The following CAPN3 variants were observed in gnomAD, a reference collection of about 807,000 sequenced individuals.
CAPN3 encodes the protein calpain 3.
Under a neutral mutation model 114.0 loss-of-function variants are expected in CAPN3, and 88 were observed. That is an observed-to-expected ratio of 0.77 (90% CI 0.65 to 0.92). The LOEUF (loss-of-function observed/expected upper bound fraction) is 0.92, where lower values mean the gene tolerates loss of function less well. Ranked by LOEUF, CAPN3 falls within the 40% of genes least tolerant of loss-of-function variation. CAPN3 has a pLI of 0.00. For synonymous variants in CAPN3, 386 were observed against 382.9 expected, an observed-to-expected ratio of 1.01 and a Z score of -0.09; for missense variants, 1,028 against 1,069.0, an observed-to-expected ratio of 0.96 and a Z score of 0.53.
Position 42,369,514 on chromosome 15 carries a change from A to C in CAPN3, c.309+9400A>C, listed in dbSNP as rs114702518. Among the ~76,000 whole-genome samples the C allele has an allele frequency of 8.1e-3, 1,227 of 152,266 alleles. 14 individuals carry two copies. The highest frequency in any genetic ancestry group is 0.028 in the African/African-American group (1,173 of 41,548). ...AAGACCATCTCAAAAAGAAGAAAAAAAAAAGAATGTGATCAGTATGAAGTA... is the reference window on the plus strand; with the variant it reads ...AAGACCATCTCAAAAAGAAGAAAAACAAAAGAATGTGATCAGTATGAAGTA... On this transcript the variant is annotated intron_variant, in intron 1 of 23. Transcript: ENST00000397163.
chr15:42,364,787 G>A (rs1004821796), intron 1 of CAPN3, among the ~76,000 whole-genome samples: 1 of 152,226 alleles, frequency 6.6e-6, no homozygotes, highest in South Asian at 2.1e-4. Context: ...TGCTGAGCAA[G>A]GGCTTCGTTT....
Position 42,392,482 on chromosome 15 carries a change from C to G in CAPN3, c.946-157C>G, listed in dbSNP as rs12324205. On this transcript the variant is annotated intron_variant, in intron 6 of 23. Coordinates refer to ENST00000397163, the MANE Select transcript of CAPN3 (RefSeq NM_000070.3). Reference sequence around the variant, plus strand: ...GTCTCTTGGCACTCTTAAAGGGCCACTGAAGGTCCGTTCGTGGTCGTGAGG... The same window carrying G: ...GTCTCTTGGCACTCTTAAAGGGCCAGTGAAGGTCCGTTCGTGGTCGTGAGG... 0.14 allele frequency among the ~76,000 whole-genome samples: 20,787 copies of G among 152,200 alleles called. 3,520 individuals are homozygous for G. Among genetic ancestry groups the G allele is most frequent in the African/African-American group, 0.4 (16,617 of 41,480 alleles).
chr15:42,383,157 C>T (rs1023785074), intron 1 of CAPN3, among the ~76,000 whole-genome samples: 1 of 152,180 alleles, frequency 6.6e-6, no homozygotes, highest in Non-Finnish European at 1.5e-5. Context: ...GTATACACCC[C>T]TGAGTGCAGG....
At chr15:42,360,178 C>G in intron 1 of CAPN3, 64 bp downstream of exon 1, 1 of 1,579,544 alleles carries the variant, frequency 6.3e-7, no homozygotes, top group Non-Finnish European at 8.7e-7. Context: ...CACTCAGCAC[C>G]TCCGGCAGCT....
At chr15:42,409,657 A>G in intron 17 of CAPN3, 130 bp from the exon 18 acceptor site, 1 of 939,012 alleles carries the variant, frequency 1.1e-6, no homozygotes, top group South Asian at 1.3e-5. Flanking sequence ...GAAAAGCCCC[A>G]GCTTCCCATG....
intron 3 of CAPN3, 38 bp downstream of exon 3, chr15:42,386,323 A>C: frequency 3.6e-6 from 5 of 1,406,180 alleles, no homozygotes; most frequent in South Asian, 1.1e-5. Flanking sequence ...GGCCAGCGGC[A>C]GGCCACCCAC....
intron 9 of CAPN3, among the ~76,000 whole-genome samples, chr15:42,399,012 T>TAGCCTCAGGTGATCCACC (rs1365681429): frequency 6.6e-6 from 1 of 152,110 alleles, no homozygotes; most frequent in Non-Finnish European, 1.5e-5. Context: ...CTCAAACTCC[T>TAGCCTCAGGTGATCCACC]AGCCTCAGGT....
At chr15:42,373,715 C>T (rs1317038721) in intron 1 of CAPN3, among the ~76,000 whole-genome samples, 2 of 152,198 alleles carry the variant, frequency 1.3e-5, no homozygotes, top group African/African-American at 2.4e-5. Context: ...AGTTACCTAC[C>T]CTCTGCATCA....
intron 17 of CAPN3, 110 bp from the exon 18 acceptor site, chr15:42,409,677 C>T: frequency 9.8e-7 from 1 of 1,015,920 alleles, no homozygotes; most frequent in East Asian, 2.4e-5. Context: ...GACATAATAG[C>T]ACCGACAGGG....
In CAPN3 at chr15:42,402,975, T is replaced by A; in HGVS notation, c.1718T>A (p.Val573Asp). ...PHQEGEFILR[V>D]FSEKRNLSEE... is the part of the protein sequence containing the mutation. ...CAGGAGGGGGAATTCATCCTCCGGG[T>A]CTTCTCTGAAAAGAGGAACCTCTCT... The change falls in exon 13 of 24, where the codon GTC becomes GAC. Residue 573 changes from valine to aspartate, a missense_variant. By Grantham distance (152) the Val-to-Asp change is radical. Transcript: ENST00000397163. 1 of 1,614,180 alleles carries A rather than the reference T, an allele frequency of 6.2e-7. No individual in the cohort carries two copies.
At chr15:42,375,380 A>C (rs753814197) in intron 1 of CAPN3, among the ~76,000 whole-genome samples, 39 of 152,048 alleles carry the variant, frequency 2.6e-4, no homozygotes, top group Non-Finnish European at 4.4e-5. Flanking sequence ...TCCTTACGGG[A>C]TGAAGCAGTT....
At position 42,409,951 on chromosome 15, in the gene CAPN3, G is replaced by A. The variant is rs140425651; in HGVS notation, c.2071G>A (p.Gly691Arg). 141 of 1,612,362 alleles carry A rather than the reference G, an allele frequency of 8.7e-5. 1 individual carries two copies. The East Asian group carries it at 9.8e-4, about 11-fold the overall frequency. The part of the protein sequence containing the change: ...VNKHKDLKTH[G>R]FTLESCRSMI... The stretch of plus-strand genomic sequence containing the variant: ...CCCAGACAAGGACCTGAAGACACAC[G>A]GGTTCACACTGGAGTCCTGCCGTAG... Residue 691 changes from glycine (G) to arginine (R), a missense_variant, in exon 19 of 24, where the codon GGG (glycine) becomes AGG (arginine). Gly to Arg is a moderately radical substitution (Grantham distance 125). Coordinates refer to ENST00000397163, the MANE Select transcript of CAPN3 (RefSeq NM_000070.3).
chr15:42,404,509 G>T, intron 14 of CAPN3: 1 of 453,132 alleles, frequency 2.2e-6, no homozygotes. Context: ...TCAGTAAGTG[G>T]CAGGGTTGGA....
intron 1 of CAPN3, among the ~76,000 whole-genome samples, chr15:42,365,103 C>T (rs2052744930): frequency 6.6e-6 from 1 of 152,194 alleles, no homozygotes; most frequent in African/African-American, 2.4e-5. Flanking sequence ...GTCTCTGGTG[C>T]TAGGTGGAGT....
At chr15:42,405,887 T>C in intron 14 of CAPN3, 39 bp from the exon 15 acceptor site, 1 of 1,583,676 alleles carries the variant, frequency 6.3e-7, no homozygotes, top group Non-Finnish European at 8.7e-7. Flanking sequence ...AACTTACTTT[T>C]CACTTATTCT....
chr15:42,409,566 G>A (rs1250956193), intron 17 of CAPN3, among the ~76,000 whole-genome samples, 186 bp downstream of exon 17: 3 of 152,162 alleles, frequency 2.0e-5, no homozygotes, highest in Non-Finnish European at 2.9e-5. Flanking sequence ...TCTGCTGGGG[G>A]GCTCAGAGGC....
At chr15:42,400,410 T>C (rs28364477) in intron 10 of CAPN3, among the ~76,000 whole-genome samples, 2,650 of 152,216 alleles carry the variant, frequency 0.017, 78 homozygotes, top group African/African-American at 0.061. Flanking sequence ...AGATTCCCAG[T>C]TGGGGACCTG....
chr15:42,402,683 C>T (rs1218974471), intron 12 of CAPN3, 111 bp from the exon 13 acceptor site: 2 of 1,566,728 alleles, frequency 1.3e-6, no homozygotes, highest in East Asian at 4.7e-5. Flanking sequence ...GAGGTTGAAA[C>T]TGTGACATGG....
Position 42,402,490 on chromosome 15 carries a change from A to AAGTCC in CAPN3, c.1537-303_1537-299dup, listed in dbSNP as rs1595838137. On this transcript the variant is annotated intron_variant, in intron 12 of 23. Transcript: ENST00000397163. The stretch of plus-strand genomic sequence containing the variant: ...GAATCACTTCCCTCAGAACCCAGCC[A>AAGTCC]AGTCCTCTAGGCCTCCTTGGGGGTC... 2.8e-6 allele frequency: 4 copies of AAGTCC among 1,428,574 alleles called. No individual in the cohort carries two copies. The East Asian group carries it at 1.0e-4, about 37-fold the overall frequency. The allele number at this position is 1,428,574 out of a possible 1,614,324, so 88.5% of individuals were successfully genotyped here. A position where few individuals can be genotyped will look rare whatever the true frequency, so the allele number is the denominator to read the frequency against.
Sources: gnomAD v4.1 joint callset for allele counts (sites outside exome capture counted in the v4.1 genomes callset) on GRCh38, gnomAD v4.1.1 for gene constraint, MANE v1.5 for transcripts, NCBI Gene and HGNC (gene_info 2026-07-23, HGNC 2026-07-21) for gene names.